Variants in MTMR8 observed in about 807,000 individuals in gnomAD.
The protein encoded by MTMR8 is phosphatidylinositol-3,5-bisphosphate 3-phosphatase MTMR8.
MTMR8 carries 65 observed loss-of-function variants against 39.3 expected under a neutral mutation model. The ratio of observed to expected loss-of-function variants is 1.65; its 90% CI spans 1.35 to 2.03. MTMR8 has a LOEUF of 2.03. Ranked by LOEUF, MTMR8 falls within the 30% of genes most tolerant of loss-of-function variation. MTMR8 has a pLI of 0.00. For synonymous variants in MTMR8, 245 were observed against 185.2 expected (o/e 1.32, Z -2.62); for missense variants, 777 against 538.9 (o/e 1.44, Z -4.37).
intron 12 of MTMR8, among the ~76,000 whole-genome samples, chrX:64,308,707 C>T (rs192493408): frequency 3.6e-5 from 4 of 111,038 alleles, no homozygotes; most frequent in Non-Finnish European, 5.7e-5. Context: ...CGTGGCATGG[C>T]GTATACAGAT....
chrX:64,328,264 C>A (rs917133615), intron 12 of MTMR8, among the ~76,000 whole-genome samples: 7 of 111,597 alleles, frequency 6.3e-5, no homozygotes, highest in Non-Finnish European at 1.3e-4. Context: ...AAATAGAATT[C>A]TCTTTTCAGA....
intron 1 of MTMR8, among the ~76,000 whole-genome samples, chrX:64,376,841 C>T (rs1442900778): frequency 1.8e-5 from 2 of 112,178 alleles, no homozygotes; most frequent in African/African-American, 3.2e-5. Flanking sequence ...ACAGCAGCCC[C>T]TCCCATCACA....
intron 2 of MTMR8, among the ~76,000 whole-genome samples, 168 bp downstream of exon 2, chrX:64,359,237 G>T (rs1923712463): frequency 9.0e-6 from 1 of 111,258 alleles, no homozygotes; most frequent in African/African-American, 3.3e-5. Flanking sequence ...CTTGAAAAAA[G>T]AGGAGTAATA....
chrX:64,356,337 A>T lies in MTMR8; in HGVS notation c.149T>A (p.Ile50Asn). The T allele has an allele frequency of 1.7e-6, 2 of 1,200,387 alleles. No homozygotes were observed. Among genetic ancestry groups the T allele is most frequent in the Non-Finnish European group, 2.2e-6 (2 of 891,126 alleles). ...CACAGTGGCAATGTGATGGAGTGCAATCTGAAAAACATAAAAGAACCAGCG... is the reference window on the plus strand; with the variant it reads ...CACAGTGGCAATGTGATGGAGTGCATTCTGAAAAACATAAAAGAACCAGCG... ...ASGAARKETW[I>N]ALHHIATVEK... is the part of the protein sequence containing the mutation. Residue 50 changes from isoleucine (I) to asparagine (N), a missense_variant and splice_region_variant, in exon 3 of 14, where the codon ATT (isoleucine) becomes AAT (asparagine). Ile to Asn is a moderately radical substitution (Grantham distance 149). Transcript: ENST00000374852.
chrX:64,385,648 A>T (rs1924537327), intron 1 of MTMR8, among the ~76,000 whole-genome samples: 1 of 111,437 alleles, frequency 9.0e-6, no homozygotes, highest in African/African-American at 3.3e-5. Flanking sequence ...AAGGGAGAGC[A>T]GGCATCTCAC....
intron 2 of MTMR8, 101 bp from the exon 3 acceptor site, chrX:64,356,439 C>A (rs370459383): frequency 1.2e-5 from 9 of 734,490 alleles, no homozygotes; most frequent in East Asian, 3.5e-5. Context: ...ATGACCAGAT[C>A]TGTAGGCTAC....
At chrX:64,278,731 C>G (rs1931939497) in intron 12 of MTMR8, among the ~76,000 whole-genome samples, 1 of 110,438 alleles carries the variant, frequency 9.1e-6, no homozygotes, top group Non-Finnish European at 1.9e-5. Context: ...CTCGGCCTTC[C>G]AAAGTACTGG....
Position 64,335,959 on chromosome X carries a change from G to T in MTMR8, c.1151+120C>A. 1.0e-5 allele frequency: 5 copies of T among 476,378 alleles called. No individual in the cohort carries two copies. The South Asian group carries it at 2.2e-4, about 21-fold the overall frequency. 39.3% of individuals were successfully genotyped at this position (476,378 alleles called of 1,213,427 possible). On this transcript the variant is annotated intron_variant, in intron 10 of 13. Coordinates refer to ENST00000374852, the MANE Select transcript of MTMR8 (RefSeq NM_017677.4). ...TAGAATACTTGTTTCTTGATGAAAA[G>T]AGATTTATGCCATGTTCAACTTCCT...
At position 64,334,911 on chromosome X, in the gene MTMR8, T is replaced by C. The variant is rs181479135; in HGVS notation, c.1151+1168A>G. On this transcript the variant is annotated intron_variant, in intron 10 of 13. Transcript: ENST00000374852. ...AAGCACTTATCATACTACACCGTCATCACTGATTTTTCTTTTCTTTCAAAG... is the reference window on the plus strand; with the variant it reads ...AAGCACTTATCATACTACACCGTCACCACTGATTTTTCTTTTCTTTCAAAG... Among the ~76,000 whole-genome samples the C allele has an allele frequency of 3.6e-5, 4 of 111,997 alleles. No homozygotes were observed. The Admixed American group carries it at 3.8e-4, about 11-fold the overall frequency.
intron 12 of MTMR8, among the ~76,000 whole-genome samples, chrX:64,302,321 C>G (rs1921917327): frequency 8.9e-6 from 1 of 112,288 alleles, no homozygotes; most frequent in African/African-American, 3.2e-5. Flanking sequence ...TTGGAGTGAC[C>G]CAATTTTCCA....
At chrX:64,335,533 C>T (rs1569223161) in intron 10 of MTMR8, among the ~76,000 whole-genome samples, 1 of 112,269 alleles carries the variant, frequency 8.9e-6, no homozygotes, top group East Asian at 2.8e-4. Context: ...GTTCTGATAA[C>T]ACAGGTAAAG....
At position 64,268,343 on chromosome X, in the gene MTMR8, TA is replaced by T. The variant is rs1408249876; in HGVS notation, c.*193del. The T allele has an allele frequency of 1.6e-5, 7 of 425,276 alleles. No individual in the cohort carries two copies. Among genetic ancestry groups the T allele is most frequent in the Non-Finnish European group, 2.7e-5 (7 of 256,068 alleles). The allele number at this position is 425,276 out of a possible 1,213,427, so 35.0% of individuals were successfully genotyped here. On this transcript the variant is annotated 3_prime_UTR_variant, in exon 14 of 14. Coordinates refer to ENST00000374852, the MANE Select transcript of MTMR8 (RefSeq NM_017677.4). Reference sequence around the variant, plus strand: ...ACAATAACATATTCTTTCTCTTGCCTACACTCTGTACTGCTTAATATGAACA... The same window carrying T: ...ACAATAACATATTCTTTCTCTTGCCTCACTCTGTACTGCTTAATATGAACA...
intron 12 of MTMR8, among the ~76,000 whole-genome samples, chrX:64,282,894 C>T (rs186932955): frequency 1.5e-3 from 169 of 111,434 alleles, no homozygotes; most frequent in African/African-American, 5.3e-3. Flanking sequence ...CAGCTCCCAG[C>T]GTGAGTGATG....
intron 1 of MTMR8, among the ~76,000 whole-genome samples, chrX:64,371,599 C>A (rs971219798): frequency 1.4e-4 from 16 of 110,994 alleles, no homozygotes; most frequent in Non-Finnish European, 3.0e-4. Flanking sequence ...AATGCTATAT[C>A]ACTTTTAGAA....
At chrX:64,302,374 C>A (rs988696940) in intron 12 of MTMR8, among the ~76,000 whole-genome samples, 33 of 112,547 alleles carry the variant, frequency 2.9e-4, no homozygotes, top group African/African-American at 9.0e-4. Flanking sequence ...AAGGGAACTC[C>A]CCGACCCCTT....
At chrX:64,311,642 T>A (rs1291437385) in intron 12 of MTMR8, among the ~76,000 whole-genome samples, 2 of 111,834 alleles carry the variant, frequency 1.8e-5, no homozygotes, top group Non-Finnish European at 3.8e-5. Flanking sequence ...AACATTTAAG[T>A]CTTTAATCCA....
intron 8 of MTMR8, among the ~76,000 whole-genome samples, chrX:64,341,610 T>A (rs143509582): frequency 0.02 from 2,208 of 111,114 alleles, 49 homozygotes; most frequent in African/African-American, 0.067. Context: ...ACCAGCCACC[T>A]ATAGCTACTT....
At position 64,338,235 on chromosome X, in the gene MTMR8, T is replaced by C. The variant is rs1243385265; in HGVS notation, c.976-842A>G. Among the ~76,000 whole-genome samples the C allele has an allele frequency of 5.4e-5, 6 of 111,909 alleles. No homozygotes were observed. The South Asian group carries it at 2.3e-3, about 42-fold the overall frequency. ...ATCCACACACCTAGCCAATAATTACTGAGTGACTGTACAAGAGGCACTATG... is the reference window on the plus strand; with the variant it reads ...ATCCACACACCTAGCCAATAATTACCGAGTGACTGTACAAGAGGCACTATG... On this transcript the variant is annotated intron_variant, in intron 8 of 13. Coordinates refer to ENST00000374852, the MANE Select transcript of MTMR8 (RefSeq NM_017677.4).
intron 5 of MTMR8, among the ~76,000 whole-genome samples, chrX:64,349,303 G>A (rs765310326): frequency 7.2e-5 from 8 of 111,538 alleles, no homozygotes; most frequent in Non-Finnish European, 1.3e-4. Context: ...TAACATGAAT[G>A]TCTGGTAATG....
Sources: allele counts gnomAD v4.1 joint callset (sites outside exome capture counted in the v4.1 genomes callset), GRCh38; gene constraint gnomAD v4.1.1; transcripts MANE v1.5; gene names NCBI Gene and HGNC (gene_info 2026-07-23, HGNC 2026-07-21).